The following SNAPC3 variants were observed in gnomAD, a reference collection of about 807,000 sequenced individuals.
SNAPC3 encodes small nuclear RNA activating complex polypeptide 3, also known as snRNA-activating protein complex subunit 3.
In SNAPC3, 56 loss-of-function variants were observed where a neutral mutation model predicts 47.7. The observed-to-expected ratio is 1.18, with a 90% confidence interval of 0.95 to 1.47. The LOEUF is 1.47. SNAPC3 is among the 40% of genes most tolerant of loss of function. SNAPC3 has a pLI of 0.00. For missense variants in SNAPC3, 665 were observed against 511.3 expected (o/e 1.30, Z -2.90); for synonymous variants, 235 against 189.9 (o/e 1.24, Z -1.95).
At chr9:15,458,108 A>C (rs758461842) in intron 8 of SNAPC3, 41 bp downstream of exon 8, 1 of 1,056,038 alleles carries the variant, frequency 9.5e-7, no homozygotes, top group Non-Finnish European at 1.4e-6. Context: ...GAGAAATGGC[A>C]GTTTTGACTT....
At chr9:15,449,237 TCACTC>T (rs2034178521) in intron 5 of SNAPC3, among the ~76,000 whole-genome samples, 1 of 152,114 alleles carries the variant, frequency 6.6e-6, no homozygotes, top group South Asian at 2.1e-4. Flanking sequence ...TTTACCCTCT[TCACTC>T]CAACCATCTG....
Position 15,447,227 on chromosome 9 carries a change from C to A in SNAPC3, c.715C>A (p.Pro239Thr), listed in dbSNP as rs370650745. Residue 239 changes from proline (P) to threonine (T), a missense_variant, in exon 5 of 9, where the codon CCT (proline) becomes ACT (threonine). By Grantham distance (38) the Pro-to-Thr change is conservative. Coordinates refer to ENST00000380821, the MANE Select transcript of SNAPC3 (RefSeq NM_001039697.2). The stretch of plus-strand genomic sequence containing the variant: ...ATTCAGCAACACTCCTGACCAAGCC[C>A]CTGAGCACATCAGCAAAGTAAGGTG... ...GEFSNTPDQA[P>T]EHISKDLYKS... The A allele has an allele frequency of 6.2e-7, 1 of 1,614,040 alleles. No individual in the cohort carries two copies.
chr9:15,442,543 C>G (rs10181616), intron 3 of SNAPC3, among the ~76,000 whole-genome samples: 3 of 150,294 alleles, frequency 2.0e-5, no homozygotes, highest in Non-Finnish European at 3.0e-5. Context: ...GGGTGGCGGC[C>G]GGGCAGAGGC....
downstream of SNAPC3, chr9:15,462,035 TGC>T (rs2035258176): frequency 6.6e-6 from 1 of 152,202 alleles, no homozygotes; most frequent in African/African-American, 2.4e-5. Context: ...TTTTCAATAC[TGC>T]GTTCCTTATA....
At chr9:15,439,634 A>T (rs2033143065) in intron 3 of SNAPC3, among the ~76,000 whole-genome samples, 1 of 152,118 alleles carries the variant, frequency 6.6e-6, no homozygotes, top group Admixed American at 6.5e-5. Flanking sequence ...TCCTGGGTTC[A>T]AGTGAATCTT....
chr9:15,443,794 C>T (rs542179974), intron 3 of SNAPC3, among the ~76,000 whole-genome samples: 1 of 152,330 alleles, frequency 6.6e-6, no homozygotes, highest in African/African-American at 2.4e-5. Flanking sequence ...ATTCCAGCTG[C>T]CTGTCTCATC....
In SNAPC3 at chr9:15,423,106, C is replaced by T; in HGVS notation, c.227C>T (p.Ala76Val). The change falls in exon 1 of 9, where the codon GCA (alanine) becomes GTA (valine). Residue 76 changes from alanine to valine, a missense_variant. Transcript: ENST00000380821. Reference sequence around the variant, plus strand: ...GCATCCGCTCTGCCTGGGAGCCAGGCAGCTGACTCCGACCGGGAGGATGCC... The same window carrying T: ...GCATCCGCTCTGCCTGGGAGCCAGGTAGCTGACTCCGACCGGGAGGATGCC... ...PPASALPGSQAADSDREDAAV... is the reference protein window; with the variant it reads ...PPASALPGSQVADSDREDAAV... 1.3e-6 allele frequency: 2 copies of T among 1,549,724 alleles called. No homozygotes were observed. The highest frequency in any genetic ancestry group is 1.2e-5 in the South Asian group (1 of 83,218).
chr9:15,439,694 C>A (rs374767930), intron 3 of SNAPC3, among the ~76,000 whole-genome samples: 2 of 152,010 alleles, frequency 1.3e-5, no homozygotes, highest in Non-Finnish European at 2.9e-5. Flanking sequence ...ACCACCACAC[C>A]CGGCTAATTT....
At chr9:15,440,245 T>C (rs1378189249) in intron 3 of SNAPC3, among the ~76,000 whole-genome samples, 2 of 152,244 alleles carry the variant, frequency 1.3e-5, no homozygotes, top group Non-Finnish European at 2.9e-5. Flanking sequence ...GCTTCTATAT[T>C]TACCTGTGTT....
At chr9:15,465,720 T>C (rs1289650442), downstream of SNAPC3, 17 of 625,504 alleles carry the variant, frequency 2.7e-5, no homozygotes, top group Non-Finnish European at 3.0e-5. Context: ...TGACTTGTTA[T>C]TAGAACAGTC....
At chr9:15,438,594 ACT>A (rs1437570902) in intron 3 of SNAPC3, among the ~76,000 whole-genome samples, 3 of 151,134 alleles carry the variant, frequency 2.0e-5, no homozygotes, top group Non-Finnish European at 4.4e-5. Flanking sequence ...TTTTAAAATC[ACT>A]CTTTTTACTA....
chr9:15,438,882 C>T (rs990229509), intron 3 of SNAPC3, among the ~76,000 whole-genome samples: 2 of 151,976 alleles, frequency 1.3e-5, no homozygotes, highest in Non-Finnish European at 2.9e-5. Flanking sequence ...GTTCAAGTCT[C>T]CTGTTTCTTT....
intron 3 of SNAPC3, among the ~76,000 whole-genome samples, chr9:15,435,904 A>G (rs2032754742): frequency 7.6e-6 from 1 of 131,116 alleles, no homozygotes; most frequent in African/African-American, 2.9e-5. Flanking sequence ...AGTACAATGG[A>G]GCAATCTTAG....
chr9:15,449,143 T>TA (rs1164195891), intron 5 of SNAPC3, among the ~76,000 whole-genome samples: 6 of 152,134 alleles, frequency 3.9e-5, no homozygotes, highest in Admixed American at 2.6e-4. Flanking sequence ...GTGGCAATCT[T>TA]CTGCAAAGTT....
Position 15,423,075 on chromosome 9 carries a change from C to A in SNAPC3, c.196C>A (p.Pro66Thr). 6.6e-7 allele frequency: 1 copy of A among 1,514,912 alleles called. No homozygotes were observed. The highest frequency in any genetic ancestry group is 2.0e-4 in the Middle Eastern group (1 of 5,010). 93.8% of individuals were successfully genotyped at this position (1,514,912 alleles called of 1,614,324 possible). The change falls in exon 1 of 9, where the codon CCG becomes ACG. Residue 66 changes from proline (P) to threonine (T), a missense_variant. Physicochemically the swap from Pro to Thr is conservative, Grantham distance 38. Transcript: ENST00000380821. ...GGCCGGGGACTTGTCGCTGAGGGAG[C>A]CGCCGGCATCCGCTCTGCCTGGGAG... Reference protein sequence around the residue: ...RGAGDLSLREPPASALPGSQA... With the variant: ...RGAGDLSLRETPASALPGSQA...
At chr9:15,449,436 G>C (rs994393280) in intron 5 of SNAPC3, among the ~76,000 whole-genome samples, 2 of 150,530 alleles carry the variant, frequency 1.3e-5, no homozygotes, top group African/African-American at 4.9e-5. Context: ...GCTGCTGATA[G>C]CTTCGGAAGT....
chr9:15,457,717 A>G (rs2034901166), intron 7 of SNAPC3, among the ~76,000 whole-genome samples: 1 of 152,200 alleles, frequency 6.6e-6, no homozygotes, highest in South Asian at 2.1e-4. Flanking sequence ...ACATTACCAT[A>G]AAGGGATTTG....
intron 1 of SNAPC3, 79 bp downstream of exon 1, chr9:15,423,272 A>C: frequency 5.9e-6 from 8 of 1,366,208 alleles, no homozygotes; most frequent in Non-Finnish European, 6.8e-6. Context: ...TCTGGGACTC[A>C]TCCCTGAGAA....
At chr9:15,435,900 A>G (rs944893656) in intron 3 of SNAPC3, among the ~76,000 whole-genome samples, 2 of 144,482 alleles carry the variant, frequency 1.4e-5, no homozygotes, top group Admixed American at 7.2e-5. Flanking sequence ...CTAGAGTACA[A>G]TGGAGCAATC....
Sources: allele counts gnomAD v4.1 joint callset (sites outside exome capture counted in the v4.1 genomes callset), GRCh38; gene constraint gnomAD v4.1.1; transcripts MANE v1.5; gene names NCBI Gene and HGNC (gene_info 2026-07-23, HGNC 2026-07-21).